Variants in BMPR1B observed in about 807,000 individuals in gnomAD.
BMPR1B encodes bone morphogenetic protein receptor type 1B, also known as bone morphogenetic protein receptor type-1B.
Under a neutral mutation model 59.1 loss-of-function variants are expected in BMPR1B, and 12 were observed. The ratio of observed to expected loss-of-function variants is 0.20; its 90% CI spans 0.13 to 0.33. The LOEUF (loss-of-function observed/expected upper bound fraction) is 0.33, where lower values mean the gene tolerates loss of function less well. Among genes scored for constraint, BMPR1B ranks in the 10% least tolerant of loss-of-function variants. The pLI is 1.00. For missense variants in BMPR1B, 550 were observed against 610.9 expected, an observed-to-expected ratio of 0.90 and a Z score of 1.05; for synonymous variants, 237 against 207.3, an observed-to-expected ratio of 1.14 and a Z score of -1.23.
chr4:95,028,984 AG>A (rs1208941345), intron 3 of BMPR1B, among the ~76,000 whole-genome samples: 1 of 151,808 alleles, frequency 6.6e-6, no homozygotes, highest in African/African-American at 2.4e-5. Context: ...TTAGAGGTAA[AG>A]TTTATATCAC....
intron 1 of BMPR1B, among the ~76,000 whole-genome samples, chr4:94,851,013 A>G (rs774662744): frequency 1.3e-5 from 2 of 151,928 alleles, no homozygotes; most frequent in Non-Finnish European, 2.9e-5. Flanking sequence ...TTATTAGATA[A>G]ATAAACAGAT....
intron 3 of BMPR1B, among the ~76,000 whole-genome samples, chr4:95,029,927 T>A (rs556201943): frequency 2.6e-4 from 40 of 152,188 alleles, no homozygotes; most frequent in Non-Finnish European, 4.9e-4. Flanking sequence ...TTGAGAAGTG[T>A]CTGTTCATAT....
intron 2 of BMPR1B, among the ~76,000 whole-genome samples, chr4:94,940,211 G>T (rs996686731): frequency 6.6e-6 from 1 of 152,196 alleles, no homozygotes; most frequent in Non-Finnish European, 1.5e-5. Flanking sequence ...TGGCAAGCTT[G>T]TCCAACCCGT....
At chr4:94,968,624 A>G (rs972983409) in intron 2 of BMPR1B, among the ~76,000 whole-genome samples, 2 of 152,106 alleles carry the variant, frequency 1.3e-5, no homozygotes, top group Non-Finnish European at 2.9e-5. Flanking sequence ...TTATGCTACA[A>G]CTTTCCAAGG....
intron 3 of BMPR1B, among the ~76,000 whole-genome samples, chr4:95,019,468 A>G (rs1184520019): frequency 6.6e-6 from 1 of 152,204 alleles, no homozygotes; most frequent in African/African-American, 2.4e-5. Context: ...CTACTAGAGA[A>G]TGCATATTTT....
chr4:95,047,859 T>C (rs778472275), intron 3 of BMPR1B, among the ~76,000 whole-genome samples: 1 of 152,132 alleles, frequency 6.6e-6, no homozygotes, highest in Non-Finnish European at 1.5e-5. Flanking sequence ...GGGCATATTG[T>C]GTGTTGCTGA....
At chr4:94,957,256 A>G (rs747999205) in intron 2 of BMPR1B, among the ~76,000 whole-genome samples, 1 of 143,958 alleles carries the variant, frequency 6.9e-6, no homozygotes, top group African/African-American at 2.5e-5. Flanking sequence ...GCGGTATATG[A>G]GGTGTGACTA....
intron 2 of BMPR1B, among the ~76,000 whole-genome samples, chr4:94,894,179 G>A (rs1356278335): frequency 6.6e-6 from 1 of 151,764 alleles, no homozygotes; most frequent in Non-Finnish European, 1.5e-5. Flanking sequence ...TTTTTCCAAC[G>A]AGATGCATAA....
intron 3 of BMPR1B, among the ~76,000 whole-genome samples, chr4:95,091,938 A>C (rs568487427): frequency 6.6e-6 from 1 of 152,174 alleles, no homozygotes; most frequent in African/African-American, 2.4e-5. Context: ...GTTTGCCCCT[A>C]CACATTTTCA....
At chr4:95,104,699 C>A in intron 4 of BMPR1B, 132 bp downstream of exon 4, 3 of 1,168,124 alleles carry the variant, frequency 2.6e-6, no homozygotes, top group South Asian at 1.3e-5. Flanking sequence ...ACTCTTAGAG[C>A]TGTGCTTGTA....
intron 3 of BMPR1B, among the ~76,000 whole-genome samples, chr4:95,074,329 A>G (rs1004410740): frequency 6.6e-6 from 1 of 152,254 alleles, no homozygotes; most frequent in Non-Finnish European, 1.5e-5. Flanking sequence ...TAATACATGA[A>G]AAATACTTAG....
chr4:94,994,382 C>A (rs948869507), intron 2 of BMPR1B, among the ~76,000 whole-genome samples: 2 of 152,202 alleles, frequency 1.3e-5, no homozygotes, highest in African/African-American at 4.8e-5. Flanking sequence ...GCCTCACTAC[C>A]TTCTGCCCAT....
At chr4:94,989,844 G>A (rs1163072809) in intron 2 of BMPR1B, among the ~76,000 whole-genome samples, 1 of 151,996 alleles carries the variant, frequency 6.6e-6, no homozygotes, top group Non-Finnish European at 1.5e-5. Flanking sequence ...TTGGTCATGG[G>A]GTTTTCTGAA....
At position 94,778,986 on chromosome 4, in the gene BMPR1B, C is replaced by CT. The variant is rs1722488941; in HGVS notation, c.-183+20923dup. On this transcript the variant is annotated intron_variant, in intron 1 of 12. Transcript: ENST00000515059. ...ATGACTTAGGGTTTCTCTATTTTAC[C>CT]TTTTTATGTAGCTTTAGTGACAGAA... 2.0e-5 allele frequency among the ~76,000 whole-genome samples: 3 copies of CT among 151,726 alleles called. No homozygotes were observed. In the South Asian group the frequency reaches 6.2e-4, roughly 32 times the overall value.
At chr4:94,915,030 G>T (rs539345251) in intron 2 of BMPR1B, among the ~76,000 whole-genome samples, 277 of 152,194 alleles carry the variant, frequency 1.8e-3, no homozygotes, top group Admixed American at 3.5e-3. Flanking sequence ...GTTTGCTATA[G>T]AAGATCATTT....
intron 1 of BMPR1B, among the ~76,000 whole-genome samples, chr4:94,824,852 A>G (rs924706991): frequency 2.0e-5 from 3 of 152,274 alleles, no homozygotes; most frequent in East Asian, 3.9e-4. Context: ...ATTATTGTCT[A>G]GTTTTTGTGT....
chr4:94,822,443 G>C (rs145777806), intron 1 of BMPR1B, among the ~76,000 whole-genome samples: 1 of 152,278 alleles, frequency 6.6e-6, no homozygotes, highest in East Asian at 1.9e-4. Flanking sequence ...TGGTTGGGTA[G>C]ATGGGTAAAT....
chr4:95,029,995 C>T (rs1346776723), intron 3 of BMPR1B, among the ~76,000 whole-genome samples: 2 of 151,550 alleles, frequency 1.3e-5, no homozygotes, highest in African/African-American at 4.9e-5. Flanking sequence ...TGTTTGAGTT[C>T]ATTGTAGATT....
intron 3 of BMPR1B, among the ~76,000 whole-genome samples, chr4:95,042,941 C>G (rs573957599): frequency 6.6e-6 from 1 of 150,904 alleles, no homozygotes; most frequent in Admixed American, 6.6e-5. Context: ...TTTGGGAGGC[C>G]GAGGCGGGTG....
Sources: gnomAD v4.1 joint callset for allele counts (sites outside exome capture counted in the v4.1 genomes callset) on GRCh38, gnomAD v4.1.1 for gene constraint, MANE v1.5 for transcripts, NCBI Gene and HGNC (gene_info 2026-07-23, HGNC 2026-07-21) for gene names.